NKAIN2: variants seen among roughly 807,000 people sequenced by gnomAD.
NKAIN2 encodes sodium/potassium transporting ATPase interacting 2.
In NKAIN2, 14 loss-of-function variants were observed where a neutral mutation model predicts 32.6. The ratio of observed to expected loss-of-function variants is 0.43; its 90% CI spans 0.28 to 0.67. The LOEUF is 0.67. Among genes scored for constraint, NKAIN2 ranks in the 30% least tolerant of loss-of-function variants. The probability of loss-of-function intolerance (pLI) is 0.17; values close to 1 mark genes in which losing one functional copy is unlikely to be tolerated. For missense variants in NKAIN2, 198 were observed against 258.3 expected, an observed-to-expected ratio of 0.77 and a Z score of 1.60; for synonymous variants, 80 against 87.2, an observed-to-expected ratio of 0.92 and a Z score of 0.46.
chr6:123,968,857 TC>T (rs1203900213), intron 1 of NKAIN2, among the ~76,000 whole-genome samples: 11 of 152,164 alleles, frequency 7.2e-5, no homozygotes, highest in African/African-American at 2.7e-4. Context: ...GCCTTCACCC[TC>T]CTCAGAGTCA....
intron 2 of NKAIN2, among the ~76,000 whole-genome samples, chr6:124,323,929 A>G (rs1287128274): frequency 6.6e-6 from 1 of 151,464 alleles, no homozygotes; most frequent in Non-Finnish European, 1.5e-5. Context: ...CTGGGACTAC[A>G]GGCGCCTGCC....
chr6:124,550,283 G>A (rs936400624), intron 3 of NKAIN2, among the ~76,000 whole-genome samples: 1 of 152,056 alleles, frequency 6.6e-6, no homozygotes, highest in Non-Finnish European at 1.5e-5. Flanking sequence ...TCTTGCTCAG[G>A]TTGCTTTAAC....
intron 1 of NKAIN2, among the ~76,000 whole-genome samples, chr6:124,029,763 G>T (rs1265519812): frequency 6.6e-6 from 1 of 152,140 alleles, no homozygotes; most frequent in Admixed American, 6.6e-5. Flanking sequence ...AGTGGTAGGA[G>T]ACCGAGCGAA....
chr6:124,816,102 C>CA (rs1171592972), intron 5 of NKAIN2, among the ~76,000 whole-genome samples: 1 of 151,796 alleles, frequency 6.6e-6, no homozygotes, highest in Non-Finnish European at 1.5e-5. Context: ...GTTTCCCATG[C>CA]AAAAAAGAAA....
chr6:123,907,562 T>C (rs1774947252), intron 1 of NKAIN2, among the ~76,000 whole-genome samples: 1 of 152,166 alleles, frequency 6.6e-6, no homozygotes, highest in Non-Finnish European at 1.5e-5. Flanking sequence ...TGCTCTTCCA[T>C]AACCAAATTA....
chr6:124,221,089 A>G (rs1327236473), intron 1 of NKAIN2, among the ~76,000 whole-genome samples: 1 of 152,104 alleles, frequency 6.6e-6, no homozygotes. Context: ...TCATGCTGCT[A>G]TAAAGACACA....
intron 1 of NKAIN2, among the ~76,000 whole-genome samples, chr6:123,972,849 A>C (rs779633824): frequency 6.6e-5 from 10 of 152,128 alleles, no homozygotes; most frequent in Non-Finnish European, 1.5e-4. Context: ...GATAAATACA[A>C]AGTTGTTGTG....
intron 3 of NKAIN2, among the ~76,000 whole-genome samples, chr6:124,528,696 G>A (rs888296304): frequency 1.3e-5 from 2 of 152,148 alleles, no homozygotes; most frequent in South Asian, 2.1e-4. Context: ...AAACAAGTAT[G>A]TAAAAATCCT....
At chr6:124,305,810 C>T (rs1365667677) in intron 2 of NKAIN2, among the ~76,000 whole-genome samples, 2 of 152,148 alleles carry the variant, frequency 1.3e-5, no homozygotes, top group Non-Finnish European at 2.9e-5. Flanking sequence ...TACTCATTGC[C>T]ATTTTAGCAA....
At chr6:124,393,547 A>G (rs538908482) in intron 3 of NKAIN2, among the ~76,000 whole-genome samples, 275 of 152,294 alleles carry the variant, frequency 1.8e-3, no homozygotes, top group Admixed American at 3.5e-3. Context: ...AAAATAATAG[A>G]GCATTGCTGA....
chr6:124,061,379 G>A (rs1038554211), intron 1 of NKAIN2, among the ~76,000 whole-genome samples: 3 of 152,032 alleles, frequency 2.0e-5, no homozygotes, highest in Non-Finnish European at 2.9e-5. Flanking sequence ...AAGGTGGGAA[G>A]CAAGGTATCT....
At chr6:124,579,105 G>A (rs892276114) in intron 3 of NKAIN2, among the ~76,000 whole-genome samples, 2 of 152,102 alleles carry the variant, frequency 1.3e-5, no homozygotes, top group African/African-American at 4.8e-5. Flanking sequence ...AAATCCCTAT[G>A]AATACCTGGA....
At chr6:124,538,782 A>G (rs1779806719) in intron 3 of NKAIN2, among the ~76,000 whole-genome samples, 2 of 152,120 alleles carry the variant, frequency 1.3e-5, no homozygotes, top group Admixed American at 1.3e-4. Flanking sequence ...GCTATATTCT[A>G]GTATACTAAT....
At chr6:124,600,227 T>G (rs1022772760) in intron 3 of NKAIN2, among the ~76,000 whole-genome samples, 1 of 152,126 alleles carries the variant, frequency 6.6e-6, no homozygotes, top group Non-Finnish European at 1.5e-5. Flanking sequence ...TTGAACATTT[T>G]GAGGTTAACA....
intron 3 of NKAIN2, among the ~76,000 whole-genome samples, chr6:124,597,055 C>T (rs1782121357): frequency 2.0e-5 from 3 of 152,132 alleles, no homozygotes; most frequent in Admixed American, 2.0e-4. Flanking sequence ...TGGATGAGGT[C>T]CACTCACATT....
At chr6:124,807,501 G>C (rs1780634237) in intron 5 of NKAIN2, among the ~76,000 whole-genome samples, 1 of 150,476 alleles carries the variant, frequency 6.6e-6, no homozygotes, top group African/African-American at 2.4e-5. Flanking sequence ...TGTGTAGAGG[G>C]AAATTTATAG....
At chr6:124,814,921 A>G (rs1000816565) in intron 5 of NKAIN2, among the ~76,000 whole-genome samples, 1 of 152,018 alleles carries the variant, frequency 6.6e-6, no homozygotes, top group Non-Finnish European at 1.5e-5. Flanking sequence ...CTCAATAATA[A>G]TAACAACAGC....
At chr6:124,432,653 G>A (rs1337522968) in intron 3 of NKAIN2, among the ~76,000 whole-genome samples, 1 of 151,966 alleles carries the variant, frequency 6.6e-6, no homozygotes, top group African/African-American at 2.4e-5. Context: ...TAAAGTTTGA[G>A]TGAACCACCA....
At chr6:124,648,806 C>CA (rs1191772045) in intron 3 of NKAIN2, among the ~76,000 whole-genome samples, 3 of 151,728 alleles carry the variant, frequency 2.0e-5, no homozygotes, top group Non-Finnish European at 2.9e-5. Flanking sequence ...AAAATCTACC[C>CA]AAAAAATGTG....
Sources: allele counts gnomAD v4.1 joint callset (sites outside exome capture counted in the v4.1 genomes callset), GRCh38; gene constraint gnomAD v4.1.1; transcripts MANE v1.5; gene names NCBI Gene and HGNC (gene_info 2026-07-23, HGNC 2026-07-21).